MCTP1: variants seen among roughly 807,000 people sequenced by gnomAD.
MCTP1 encodes the protein multiple C2 and transmembrane domain containing 1, also known as multiple C2 and transmembrane domain-containing protein 1.
Under a neutral mutation model 120.6 loss-of-function variants are expected in MCTP1, and 69 were observed. The observed-to-expected ratio is 0.57, with a 90% CI of 0.47 to 0.70. MCTP1 has a LOEUF of 0.70. MCTP1 is among the 30% of genes least tolerant of loss of function. The pLI, the probability that MCTP1 is intolerant of heterozygous loss-of-function variation, is 0.00. For synonymous variants in MCTP1, 529 were observed against 493.1 expected, an observed-to-expected ratio of 1.07 and a Z score of -0.96; for missense variants, 1,203 against 1,248.8, an observed-to-expected ratio of 0.96 and a Z score of 0.55.
At chr5:95,255,397 G>A (rs1757778293) in intron 1 of MCTP1, among the ~76,000 whole-genome samples, 1 of 152,198 alleles carries the variant, frequency 6.6e-6, no homozygotes. Flanking sequence ...TTAAAGAAGA[G>A]AGTAGCAGGC....
chr5:94,982,396 A>G (rs1455770852), intron 2 of MCTP1, among the ~76,000 whole-genome samples: 5 of 152,188 alleles, frequency 3.3e-5, no homozygotes, highest in African/African-American at 1.2e-4. Context: ...CTTATGGTGT[A>G]TCGAGCACAT....
Position 95,028,209 on chromosome 5 carries a change from A to G in MCTP1, c.721-10725T>C, listed in dbSNP as rs532085582. Reference sequence around the variant, plus strand: ...GAGAGTGAAAGGGAGTGCTATTAATAATGATACGGTAGAAACAGGTAGAAA... The same window carrying G: ...GAGAGTGAAAGGGAGTGCTATTAATGATGATACGGTAGAAACAGGTAGAAA... On this transcript the variant is annotated intron_variant, in intron 1 of 22. Coordinates refer to ENST00000515393, the MANE Select transcript of MCTP1 (RefSeq NM_024717.7). Among the ~76,000 whole-genome samples, 24 of 152,336 alleles carry G rather than the reference A, an allele frequency of 1.6e-4. 1 individual carries two copies. The South Asian group carries it at 4.8e-3, about 30-fold the overall frequency.
At chr5:94,707,992 TTC>T (rs1258135975) in intron 22 of MCTP1, among the ~76,000 whole-genome samples, 2 of 148,580 alleles carry the variant, frequency 1.3e-5, no homozygotes, top group South Asian at 4.3e-4. Flanking sequence ...AAAAACAAAC[TTC>T]TTTTATTTTG....
At chr5:95,095,005 G>GTTTTTTTTTTT (rs1562138448) in intron 1 of MCTP1, among the ~76,000 whole-genome samples, 12 of 79,552 alleles carry the variant, frequency 1.5e-4, no homozygotes, top group African/African-American at 6.0e-4. Context: ...TGTTATGTTA[G>GTTTTTTTTTTT]ATTTTTTTTT....
chr5:94,803,676 A>G (rs1204760604), intron 17 of MCTP1, among the ~76,000 whole-genome samples: 1 of 152,198 alleles, frequency 6.6e-6, no homozygotes, highest in Admixed American at 6.5e-5. Context: ...CACTTTTTGT[A>G]TACTACCTTA....
intron 17 of MCTP1, among the ~76,000 whole-genome samples, chr5:94,844,462 C>T (rs952121022): frequency 3.3e-5 from 5 of 151,754 alleles, no homozygotes; most frequent in Admixed American, 6.6e-5. Context: ...TTTCAACAAA[C>T]GTGGACATTT....
intron 1 of MCTP1, among the ~76,000 whole-genome samples, chr5:95,178,474 A>G (rs1748262540): frequency 6.6e-6 from 1 of 152,224 alleles, no homozygotes; most frequent in African/African-American, 2.4e-5. Context: ...GAAAAATACA[A>G]GCAAGGACCC....
chr5:94,856,801 G>C (rs781134501), intron 17 of MCTP1, among the ~76,000 whole-genome samples: 9 of 151,698 alleles, frequency 5.9e-5, no homozygotes, highest in African/African-American at 9.7e-5. Context: ...GAGCAAGAGA[G>C]AGACTAATGT....
chr5:94,782,361 A>G (rs950703031), intron 18 of MCTP1, among the ~76,000 whole-genome samples: 1 of 152,134 alleles, frequency 6.6e-6, no homozygotes, highest in East Asian at 1.9e-4. Context: ...AGAAGTGTGG[A>G]TAAAGATTCC....
chr5:95,131,451 G>A (rs900852711), intron 1 of MCTP1, among the ~76,000 whole-genome samples: 1 of 152,186 alleles, frequency 6.6e-6, no homozygotes, highest in African/African-American at 2.4e-5. Flanking sequence ...AAGATTGTGA[G>A]AGTTAATAAT....
At chr5:94,833,370 G>A (rs1260663362) in intron 17 of MCTP1, among the ~76,000 whole-genome samples, 4 of 151,950 alleles carry the variant, frequency 2.6e-5, no homozygotes, top group South Asian at 4.2e-4. Context: ...ACACAACACC[G>A]AAGTACTATA....
At chr5:95,086,325 T>C (rs143148405) in intron 1 of MCTP1, among the ~76,000 whole-genome samples, 2 of 152,248 alleles carry the variant, frequency 1.3e-5, no homozygotes, top group African/African-American at 4.8e-5. Context: ...TACAGACTAA[T>C]TGAAGAAAAA....
intron 12 of MCTP1, among the ~76,000 whole-genome samples, chr5:94,873,573 A>C (rs938682030): frequency 2.0e-5 from 3 of 151,988 alleles, no homozygotes; most frequent in African/African-American, 7.2e-5. Flanking sequence ...GTCCATCCCT[A>C]AATCAGTTTT....
In MCTP1 at chr5:94,777,927, CGTGTGTGTGTGT is replaced by C. The variant is rs71615135; in HGVS notation, c.2610+1171_2610+1182del. ...ATAGCGTTAGAAGGGAGAAAGTGTGCGTGTGTGTGTGTGTGTGTGTGTGTGTGTGTTTCTGTT... is the reference window on the plus strand; with the variant it reads ...ATAGCGTTAGAAGGGAGAAAGTGTGCGTGTGTGTGTGTGTGTGTTTCTGTT... On this transcript the variant is annotated intron_variant, in intron 19 of 22. Coordinates refer to ENST00000515393, the MANE Select transcript of MCTP1 (RefSeq NM_024717.7). Among the ~76,000 whole-genome samples the C allele has an allele frequency of 3.8e-4, 57 of 148,962 alleles. 2 individuals are homozygous for C. The highest frequency in any genetic ancestry group is 1.3e-3 in the African/African-American group (52 of 40,250).
chr5:95,170,007 T>C (rs878988974), intron 1 of MCTP1, among the ~76,000 whole-genome samples: 1 of 152,240 alleles, frequency 6.6e-6, no homozygotes, highest in Non-Finnish European at 1.5e-5. Context: ...GATGTTAGGG[T>C]GTCTATTTTA....
chr5:94,778,849 A>G (rs1775979152), intron 19 of MCTP1, among the ~76,000 whole-genome samples: 2 of 152,324 alleles, frequency 1.3e-5, no homozygotes, highest in South Asian at 4.1e-4. Flanking sequence ...CACGAGAGCT[A>G]TCAAGTTCCA....
At chr5:94,933,243 G>A (rs1404578760) in intron 5 of MCTP1, among the ~76,000 whole-genome samples, 1 of 151,390 alleles carries the variant, frequency 6.6e-6, no homozygotes. Flanking sequence ...TACTATTATA[G>A]AAATACTTTA....
intron 1 of MCTP1, among the ~76,000 whole-genome samples, chr5:95,027,314 C>T (rs1330248443): frequency 6.6e-6 from 1 of 152,208 alleles, no homozygotes; most frequent in Non-Finnish European, 1.5e-5. Context: ...TTGCTCATAG[C>T]TGATTAGACA....
chr5:94,991,049 G>T (rs116820981), intron 2 of MCTP1, among the ~76,000 whole-genome samples: 1,671 of 152,280 alleles, frequency 0.011, 12 homozygotes, highest in Middle Eastern at 0.024. Context: ...AGAAGCATAG[G>T]AGAAAAATTG....
Sources: gnomAD v4.1 joint callset for allele counts (sites outside exome capture counted in the v4.1 genomes callset) on GRCh38, gnomAD v4.1.1 for gene constraint, MANE v1.5 for transcripts, NCBI Gene and HGNC (gene_info 2026-07-23, HGNC 2026-07-21) for gene names.